The following EYA1 variants were observed in gnomAD, a reference collection of about 807,000 sequenced individuals.
EYA1 encodes EYA transcriptional coactivator and phosphatase 1, also known as protein phosphatase EYA1.
Under a neutral mutation model 82.0 loss-of-function variants are expected in EYA1, and 16 were observed. The ratio of observed to expected loss-of-function variants is 0.20; its 90% confidence interval spans 0.13 to 0.30. The LOEUF (loss-of-function observed/expected upper bound fraction) is 0.30. Among genes scored for constraint, EYA1 ranks in the 10% least tolerant of loss-of-function variants. EYA1 has a pLI of 1.00. For missense variants in EYA1, 633 were observed against 730.7 expected (o/e 0.87, Z 1.54); for synonymous variants, 261 against 264.4 (o/e 0.99, Z 0.12).
intron 2 of EYA1, among the ~76,000 whole-genome samples, chr8:71,384,487 C>A (rs946832119): frequency 1.3e-5 from 2 of 152,154 alleles, no homozygotes; most frequent in African/African-American, 4.8e-5. Context: ...TTGTACAGTA[C>A]CTTACAAATA....
intron 2 of EYA1, among the ~76,000 whole-genome samples, chr8:71,515,073 C>G (rs1195764315): frequency 6.6e-6 from 1 of 151,972 alleles, no homozygotes; most frequent in African/African-American, 2.4e-5. Flanking sequence ...AAAGGTAAGA[C>G]AATGAGTTAC....
At position 71,362,043 on chromosome 8, in the gene EYA1, A is replaced by G; in HGVS notation, c.-451T>C. 2.0e-6 allele frequency: 2 copies of G among 985,376 alleles called. No homozygotes were observed. The highest frequency in any genetic ancestry group is 2.4e-6 in the Non-Finnish European group (2 of 829,992). The allele number at this position is 985,376 out of a possible 1,614,324, so 61.0% of individuals were successfully genotyped here. ...TTGCGCCCAGCGCTCCTTCCCCACC[A>G]AACAGCAGCGGCAGATAGCATCTGA... On this transcript the variant is annotated 5_prime_UTR_variant, in exon 1 of 18. Coordinates refer to ENST00000340726, the MANE Select transcript of EYA1 (RefSeq NM_000503.6).
intron 2 of EYA1, among the ~76,000 whole-genome samples, chr8:71,482,115 C>T (rs1267811474): frequency 1.3e-5 from 2 of 152,064 alleles, no homozygotes; most frequent in Admixed American, 1.3e-4. Flanking sequence ...AAGCAAGTTA[C>T]AGATGAGGAG....
At chr8:71,547,757 G>GGCGGGGCGGCCGA (rs963045812) in intron 1 of EYA1, 11 of 150,966 alleles carry the variant, frequency 7.3e-5, no homozygotes, top group African/African-American at 2.7e-4. Flanking sequence ...GGCAGAAGCC[G>GGCGGGGCGGCCGA]GCGGGGCGGC....
At chr8:71,380,008 G>T (rs1349446691) in intron 2 of EYA1, among the ~76,000 whole-genome samples, 2 of 152,096 alleles carry the variant, frequency 1.3e-5, no homozygotes, top group African/African-American at 2.4e-5. Context: ...TGTCACTCAG[G>T]ATCAGCACCC....
chr8:71,256,277 A>G (rs1814403567), intron 11 of EYA1, among the ~76,000 whole-genome samples: 1 of 152,228 alleles, frequency 6.6e-6, no homozygotes, highest in Non-Finnish European at 1.5e-5. Flanking sequence ...AGCATTATTT[A>G]AAACAGTCAT....
intron 3 of EYA1, among the ~76,000 whole-genome samples, chr8:71,336,807 G>T (rs931740725): frequency 6.6e-6 from 1 of 152,130 alleles, no homozygotes; most frequent in Admixed American, 6.6e-5. Flanking sequence ...AAGAGAAGAG[G>T]ATGTACATAA....
rs1382574903 is a variant in EYA1 at position 71,419,561 on chromosome 8, C to G, written c.34-63050G>C. 3.3e-5 allele frequency among the ~76,000 whole-genome samples: 5 copies of G among 152,076 alleles called. No homozygotes were observed. The South Asian group carries it at 8.3e-4, about 25-fold the overall frequency. Reference sequence around the variant, plus strand: ...GGTGGGGAATTGGGATGGAAAGTGACAGTTGAAAGAAACCAGATTAGCTAT... The same window carrying G: ...GGTGGGGAATTGGGATGGAAAGTGAGAGTTGAAAGAAACCAGATTAGCTAT... On this transcript the variant is annotated intron_variant, in intron 2 of 18. Transcript: ENST00000643681.
In EYA1 at chr8:71,211,261, T is replaced by C; in HGVS notation, c.1598-5A>G. On this transcript the variant is annotated splice_polypyrimidine_tract_variant and splice_region_variant and intron_variant, in intron 16 of 17. Coordinates refer to ENST00000340726, the MANE Select transcript of EYA1 (RefSeq NM_000503.6). ...TCTCAAAACAGCTTTCTTTTCCTAG[T>C]GAACAAAAATAAATGATAGAAAATG... The C allele has an allele frequency of 6.4e-7, 1 of 1,573,614 alleles. No individual in the cohort carries two copies. Among genetic ancestry groups the C allele is most frequent in the African/African-American group, 1.3e-5 (1 of 74,248 alleles).
intron 2 of EYA1, among the ~76,000 whole-genome samples, chr8:71,491,408 G>A (rs1005302606): frequency 3.3e-5 from 5 of 152,142 alleles, no homozygotes; most frequent in African/African-American, 9.7e-5. Flanking sequence ...ATTGTTAAAC[G>A]CTACACTGTG....
At chr8:71,491,433 A>C (rs550662239) in intron 2 of EYA1, among the ~76,000 whole-genome samples, 2 of 152,282 alleles carry the variant, frequency 1.3e-5, no homozygotes, top group South Asian at 4.2e-4. Flanking sequence ...CCCAGAATTC[A>C]TATGCTGAAG....
chr8:71,441,341 T>A (rs1203671872), intron 2 of EYA1, among the ~76,000 whole-genome samples: 2 of 151,950 alleles, frequency 1.3e-5, no homozygotes, highest in Non-Finnish European at 2.9e-5. Flanking sequence ...GTCCAGGAGT[T>A]TGAGGCTGCA....
At chr8:71,508,415 A>C (rs773812807) in intron 2 of EYA1, among the ~76,000 whole-genome samples, 6 of 152,164 alleles carry the variant, frequency 3.9e-5, no homozygotes, top group Non-Finnish European at 8.8e-5. Context: ...CTGGGATTAC[A>C]GGCACACAAC....
intron 9 of EYA1, among the ~76,000 whole-genome samples, chr8:71,295,714 G>T (rs1455021657): frequency 1.3e-5 from 2 of 152,098 alleles, no homozygotes; most frequent in African/African-American, 4.8e-5. Flanking sequence ...CACACTCCTA[G>T]GTATTTACTC....
chr8:71,280,276 A>T (rs1817668788), intron 9 of EYA1, among the ~76,000 whole-genome samples: 1 of 152,214 alleles, frequency 6.6e-6, no homozygotes, highest in Non-Finnish European at 1.5e-5. Context: ...CGAAGACCCT[A>T]CCATTGTCAA....
intron 2 of EYA1, among the ~76,000 whole-genome samples, chr8:71,447,708 AAC>A (rs1279266761): frequency 6.6e-6 from 1 of 152,244 alleles, no homozygotes; most frequent in Non-Finnish European, 1.5e-5. Flanking sequence ...TATAAAAGTT[AAC>A]ACTGTAGTCT....
intron 17 of EYA1, among the ~76,000 whole-genome samples, chr8:71,202,767 T>C (rs951009994): frequency 6.6e-6 from 1 of 152,206 alleles, no homozygotes; most frequent in Non-Finnish European, 1.5e-5. Context: ...AGGGTAGTGA[T>C]GTCGGCTGTA....
At chr8:71,462,419 C>A (rs755042076) in intron 2 of EYA1, among the ~76,000 whole-genome samples, 7 of 152,146 alleles carry the variant, frequency 4.6e-5, no homozygotes, top group Non-Finnish European at 1.0e-4. Flanking sequence ...GCAGTGGGAG[C>A]AGACAACCAC....
intron 2 of EYA1, among the ~76,000 whole-genome samples, chr8:71,421,405 G>C (rs972583339): frequency 1.3e-5 from 2 of 152,104 alleles, no homozygotes; most frequent in African/African-American, 4.8e-5. Context: ...TTCGCTCAAG[G>C]CCATCCAACT....
Sources: allele counts gnomAD v4.1 joint callset (sites outside exome capture counted in the v4.1 genomes callset), GRCh38; gene constraint gnomAD v4.1.1; transcripts MANE v1.5; gene names NCBI Gene and HGNC (gene_info 2026-07-23, HGNC 2026-07-21).